RANBP2: variants seen among roughly 807,000 people sequenced by gnomAD.
RANBP2 encodes the protein RAN binding protein 2, also known as E3 SUMO-protein ligase RanBP2.
In RANBP2, 57 loss-of-function variants were observed where a neutral mutation model predicts 303.6. The observed-to-expected ratio is 0.19, with a 90% CI of 0.15 to 0.23. RANBP2 has a LOEUF of 0.23. Among genes scored for constraint, RANBP2 ranks in the 10% least tolerant of loss-of-function variants. RANBP2 has a pLI of 1.00. For missense variants in RANBP2, 3,138 were observed against 3,780.8 expected, an observed-to-expected ratio of 0.83 and a Z score of 4.46; for synonymous variants, 1,167 against 1,301.5, an observed-to-expected ratio of 0.90 and a Z score of 2.23.
chr2:108,731,199 C>T (rs879181197), intron 3 of RANBP2, 123 bp from the exon 4 acceptor site: 1 of 1,440,844 alleles, frequency 6.9e-7, no homozygotes, highest in Non-Finnish European at 9.2e-7. Context: ...CATGTTTTCT[C>T]TAGAAGTAGA....
chr2:109,209,860 AT>A, the RANBP2 span, among the ~76,000 whole-genome samples: 1 of 152,172 alleles, frequency 6.6e-6, no homozygotes, highest in African/African-American at 2.4e-5. Context: ...AAATTTTACC[AT>A]TTTTAAGTCT....
At chr2:109,595,442 C>T in the RANBP2 span, among the ~76,000 whole-genome samples, 1 of 152,144 alleles carries the variant, frequency 6.6e-6, no homozygotes, top group Non-Finnish European at 1.5e-5. Context: ...TGAAAGGCCC[C>T]CCAGTCCCAG....
chr2:109,363,007 A>G, the RANBP2 span, among the ~76,000 whole-genome samples: 15 of 152,150 alleles, frequency 9.9e-5, no homozygotes, highest in African/African-American at 3.4e-4. Flanking sequence ...GTTTTATTTT[A>G]TCAACTTAAA....
At chr2:109,673,200 A>G in the RANBP2 span, among the ~76,000 whole-genome samples, 1 of 152,218 alleles carries the variant, frequency 6.6e-6, no homozygotes. Context: ...GCCTAACTCT[A>G]TGTGAACATG....
At chr2:109,515,809 G>A in the RANBP2 span, among the ~76,000 whole-genome samples, 17 of 152,146 alleles carry the variant, frequency 1.1e-4, no homozygotes, top group African/African-American at 3.4e-4. Context: ...GGGCCGTGGC[G>A]GACTTTTTCA....
chr2:108,958,642 G>T, the RANBP2 span, among the ~76,000 whole-genome samples: 3 of 152,232 alleles, frequency 2.0e-5, no homozygotes, highest in Non-Finnish European at 4.4e-5. Flanking sequence ...GCAGAGCCAG[G>T]AGTCAGTCTC....
the RANBP2 span, among the ~76,000 whole-genome samples, chr2:109,686,024 A>C: frequency 1.2e-4 from 19 of 152,166 alleles, no homozygotes; most frequent in African/African-American, 4.6e-4. Context: ...CTTGTAGTTA[A>C]TTTCATAAAT....
chr2:109,181,929 A>G, the RANBP2 span, among the ~76,000 whole-genome samples: 1 of 152,084 alleles, frequency 6.6e-6, no homozygotes, highest in Non-Finnish European at 1.5e-5. Flanking sequence ...TTATATTGCC[A>G]TGGCTGTAAG....
the RANBP2 span, among the ~76,000 whole-genome samples, chr2:109,592,262 C>T: frequency 6.6e-6 from 1 of 151,432 alleles, no homozygotes. Context: ...GCCAGGAGTT[C>T]GAGACCAGCC....
the RANBP2 span, among the ~76,000 whole-genome samples, chr2:109,436,374 A>G: frequency 6.6e-6 from 1 of 152,090 alleles, no homozygotes; most frequent in East Asian, 1.9e-4. Flanking sequence ...AAGGGCATCT[A>G]TTTCTGGTAT....
At chr2:109,397,189 C>T in the RANBP2 span, among the ~76,000 whole-genome samples, 1 of 152,092 alleles carries the variant, frequency 6.6e-6, no homozygotes, top group African/African-American at 2.4e-5. Flanking sequence ...GCTCAGTTTC[C>T]GCTTGGTGAG....
chr2:109,235,293 T>G, the RANBP2 span, among the ~76,000 whole-genome samples: 1 of 152,204 alleles, frequency 6.6e-6, no homozygotes, highest in Admixed American at 6.5e-5. Context: ...CTGCAAGGTC[T>G]TTCTTCTCCC....
the RANBP2 span, among the ~76,000 whole-genome samples, chr2:109,658,398 A>T: frequency 6.6e-6 from 1 of 151,964 alleles, no homozygotes; most frequent in Non-Finnish European, 1.5e-5. Flanking sequence ...GTGAGCCAAG[A>T]TCATGCCACG....
chr2:109,625,157 C>T, the RANBP2 span, among the ~76,000 whole-genome samples: 8 of 151,518 alleles, frequency 5.3e-5, no homozygotes, highest in South Asian at 2.1e-4. Context: ...CAGGCCCCTC[C>T]GAGTCCTACT....
chr2:109,196,629 G>A, the RANBP2 span, among the ~76,000 whole-genome samples: 1 of 152,198 alleles, frequency 6.6e-6, no homozygotes, highest in Non-Finnish European at 1.5e-5. Context: ...CTGCTGCGCT[G>A]TGGTTGCGGC....
chr2:108,820,257 C>A, the RANBP2 span, among the ~76,000 whole-genome samples: 1 of 151,638 alleles, frequency 6.6e-6, no homozygotes, highest in Non-Finnish European at 1.5e-5. Flanking sequence ...AAAGTTCTAA[C>A]AAAATAATAA....
At chr2:109,146,616 G>A in the RANBP2 span, among the ~76,000 whole-genome samples, 5 of 152,240 alleles carry the variant, frequency 3.3e-5, no homozygotes, top group South Asian at 8.3e-4. Context: ...CCTCCACCAT[G>A]GGTCTGCACC....
the RANBP2 span, among the ~76,000 whole-genome samples, chr2:109,694,365 G>T: frequency 2.0e-5 from 3 of 151,484 alleles, no homozygotes; most frequent in South Asian, 4.2e-4. Context: ...AGCCTGCTAT[G>T]GTTCCTCTAC....
the RANBP2 span, among the ~76,000 whole-genome samples, chr2:109,335,737 C>T: frequency 5.3e-5 from 8 of 152,226 alleles, no homozygotes; most frequent in Non-Finnish European, 4.4e-5. Context: ...GAACCGCACC[C>T]CACAAGTAAC....
Sources: allele counts gnomAD v4.1 joint callset (sites outside exome capture counted in the v4.1 genomes callset), GRCh38; gene constraint gnomAD v4.1.1; transcripts MANE v1.5; gene names NCBI Gene and HGNC (gene_info 2026-07-23, HGNC 2026-07-21).